RNF220: variants seen among roughly 807,000 people sequenced by gnomAD.
RNF220 encodes E3 ubiquitin-protein ligase RNF220.
In RNF220, 7 loss-of-function variants were observed where a neutral mutation model predicts 67.1. The observed-to-expected ratio is 0.10, with a 90% CI of 0.06 to 0.20. The LOEUF is 0.20. Ranked by LOEUF, RNF220 falls within the 10% of genes least tolerant of loss-of-function variation. The pLI, the probability that RNF220 is intolerant of heterozygous loss-of-function variation, is 1.00. For synonymous variants in RNF220, 270 were observed against 283.2 expected (o/e 0.95, Z 0.47); for missense variants, 565 against 740.3 (o/e 0.76, Z 2.75).
chr1:44,530,531 C>CA (rs34069585), intron 2 of RNF220, among the ~76,000 whole-genome samples: 15 of 136,464 alleles, frequency 1.1e-4, no homozygotes, highest in African/African-American at 1.6e-4. Context: ...GTCAAATCTG[C>CA]AAAAAAAAAA....
intron 2 of RNF220, among the ~76,000 whole-genome samples, chr1:44,562,311 C>T (rs1055234641): frequency 6.6e-6 from 1 of 152,170 alleles, no homozygotes. Context: ...GGACCCGGAG[C>T]AGTGCGGGGA....
chr1:44,559,885 G>A (rs2148285881), intron 2 of RNF220, among the ~76,000 whole-genome samples: 1 of 152,368 alleles, frequency 6.6e-6, no homozygotes, highest in East Asian at 1.9e-4. Context: ...CCACTCTGAA[G>A]GCAAGAGGGT....
At position 44,417,526 on chromosome 1, in the gene RNF220, C is replaced by G. The variant is rs985448573; in HGVS notation, c.625+4804C>G. Among the ~76,000 whole-genome samples the G allele has an allele frequency of 6.6e-6, 1 of 152,044 alleles. No homozygotes were observed. The highest frequency in any genetic ancestry group is 1.5e-5 in the Non-Finnish European group (1 of 67,994). ...GTTGTGCTCCCGCTCTTCCCCTGCC[C>G]TCGCTCCACGCCGCGCCGCTCTGTG... On this transcript the variant is annotated intron_variant, in intron 2 of 14. Transcript: ENST00000361799. This position sits in a 1 kb window ranked among gnomAD's most constrained non-coding sequence, Gnocchi z 4.0.
chr1:44,467,094 T>G (rs1654340387), intron 2 of RNF220, among the ~76,000 whole-genome samples: 1 of 152,272 alleles, frequency 6.6e-6, no homozygotes, highest in Non-Finnish European at 1.5e-5. Context: ...CTAGATCTTC[T>G]GGTTAACTTG....
chr1:44,423,745 C>A (rs1298766437), intron 2 of RNF220: 3 of 677,738 alleles, frequency 4.4e-6, no homozygotes, highest in Non-Finnish European at 5.5e-6. Flanking sequence ...ACTCGCTTGG[C>A]CGTTAAACTA....
At chr1:44,538,918 GAAAA>G (rs35240810) in intron 2 of RNF220, among the ~76,000 whole-genome samples, 1 of 77,884 alleles carries the variant, frequency 1.3e-5, no homozygotes, top group Admixed American at 1.6e-4. Flanking sequence ...TCCATCTAGG[GAAAA>G]AAAAAAAAAA....
At chr1:44,510,926 G>A (rs1658934308) in intron 2 of RNF220, among the ~76,000 whole-genome samples, 1 of 152,196 alleles carries the variant, frequency 6.6e-6, no homozygotes, top group Non-Finnish European at 1.5e-5. Context: ...GGTGAGAAAG[G>A]GTTGTTGCTC....
intron 2 of RNF220, among the ~76,000 whole-genome samples, chr1:44,557,397 AAG>A (rs950223041): frequency 6.7e-6 from 1 of 150,312 alleles, no homozygotes; most frequent in Non-Finnish European, 1.5e-5. Context: ...GAAGGAAAGA[AAG>A]AGAGAGAGGA....
chr1:44,597,449 TTC>T (rs150680804), intron 2 of RNF220, among the ~76,000 whole-genome samples: 13 of 128,294 alleles, frequency 1.0e-4, no homozygotes, highest in Non-Finnish European at 1.2e-4. Flanking sequence ...ATACACGCCC[TTC>T]TCTCTCTCTC....
chr1:44,568,826 G>C (rs1483216685), intron 2 of RNF220, among the ~76,000 whole-genome samples: 1 of 152,204 alleles, frequency 6.6e-6, no homozygotes, highest in Non-Finnish European at 1.5e-5. Context: ...TCATTTATGG[G>C]ATGGGATGGG....
At position 44,418,644 on chromosome 1, in the gene RNF220, A is replaced by C. The variant is rs975311106; in HGVS notation, c.625+5922A>C. Among the ~76,000 whole-genome samples the C allele has an allele frequency of 7.1e-4, 4 of 5,650 alleles. No individual in the cohort carries two copies. In the South Asian group the frequency reaches 0.013, roughly 18 times the overall value. 3.7% of individuals were successfully genotyped at this position (5,650 alleles called of 152,430 possible). A position where few individuals can be genotyped will look rare whatever the true frequency, so the allele number is the denominator to read the frequency against. On this transcript the variant is annotated intron_variant, in intron 2 of 14. Transcript: ENST00000361799. ...GGTGGCCCTTTTTTGTTTGAAAACAAAAAAAAAAACACACACACATTGTAT... is the reference window on the plus strand; with the variant it reads ...GGTGGCCCTTTTTTGTTTGAAAACACAAAAAAAAACACACACACATTGTAT...
chr1:44,449,885 C>T (rs1219217828), intron 2 of RNF220, among the ~76,000 whole-genome samples: 3 of 152,162 alleles, frequency 2.0e-5, no homozygotes, highest in Non-Finnish European at 2.9e-5. Context: ...AGATGATCCA[C>T]GTAACGGAGA....
chr1:44,640,097 A>C (rs1644444460), intron 8 of RNF220, among the ~76,000 whole-genome samples: 1 of 152,260 alleles, frequency 6.6e-6, no homozygotes, highest in African/African-American at 2.4e-5. Flanking sequence ...GCCTGGCACA[A>C]ATCTTTTATC....
Position 44,584,079 on chromosome 1 carries a change from C to T in RNF220, c.626-30086C>T, listed in dbSNP as rs547317890. On this transcript the variant is annotated intron_variant, in intron 2 of 14. Transcript: ENST00000361799. ...TCTCTTCCAGATGAGGAAACAGAGG[C>T]TCAGAGAGGTTAAATGACTTGCCCA... Among the ~76,000 whole-genome samples, 10 of 152,308 alleles carry T rather than the reference C, an allele frequency of 6.6e-5. No individual in the cohort carries two copies. The South Asian group carries it at 2.1e-3, about 32-fold the overall frequency.
At chr1:44,549,844 G>A (rs1383144777) in intron 2 of RNF220, among the ~76,000 whole-genome samples, 1 of 152,214 alleles carries the variant, frequency 6.6e-6, no homozygotes, top group African/African-American at 2.4e-5. Flanking sequence ...ACCCACCTTC[G>A]CCCTGAGTAG....
intron 2 of RNF220, among the ~76,000 whole-genome samples, chr1:44,596,654 A>G (rs1666515792): frequency 6.6e-6 from 1 of 152,144 alleles, no homozygotes. Flanking sequence ...ATAAAGGAAA[A>G]ACGATAGGGA....
chr1:44,511,024 C>T lies in RNF220; in HGVS notation c.625+98302C>T, dbSNP rs548729896. On this transcript the variant is annotated intron_variant, in intron 2 of 14. Coordinates refer to ENST00000361799, the MANE Select transcript of RNF220 (RefSeq NM_018150.4). ...GAACACTCTCGCAGTGGGGGGATGA[C>T]GGGGAGTGATGTTTGAGGACCTTTT... Among the ~76,000 whole-genome samples the T allele has an allele frequency of 1.8e-3, 276 of 152,202 alleles. 2 individuals carry two copies. The highest frequency in any genetic ancestry group is 2.9e-3 in the Admixed American group (44 of 15,282).
At chr1:44,489,730 A>AGGAAGAAG (rs1377068490) in intron 2 of RNF220, among the ~76,000 whole-genome samples, 6 of 152,254 alleles carry the variant, frequency 3.9e-5, no homozygotes, top group Non-Finnish European at 7.3e-5. Flanking sequence ...GCCAGGGAGA[A>AGGAAGAAG]GTCATCCTTC....
At chr1:44,526,688 A>G (rs1660404213) in intron 2 of RNF220, among the ~76,000 whole-genome samples, 1 of 151,582 alleles carries the variant, frequency 6.6e-6, no homozygotes, top group Non-Finnish European at 1.5e-5. Context: ...CACACCCTCA[A>G]ATCTCCCCTT....
Sources: allele counts gnomAD v4.1 joint callset (sites outside exome capture counted in the v4.1 genomes callset), GRCh38; gene constraint gnomAD v4.1.1; non-coding constraint Gnocchi (gnomAD v3.1); transcripts MANE v1.5; gene names NCBI Gene and HGNC (gene_info 2026-07-23, HGNC 2026-07-21).